Variants in MCPH1 observed in about 807,000 individuals in gnomAD.
The protein encoded by MCPH1 is microcephalin.
In MCPH1, 104 loss-of-function variants were observed where a neutral mutation model predicts 84.5. The observed-to-expected ratio is 1.23, with a 90% CI of 1.05 to 1.45. MCPH1 has a LOEUF of 1.45. Ranked by LOEUF, MCPH1 falls within the 40% of genes most tolerant of loss-of-function variation. The pLI is 0.00. For synonymous variants in MCPH1, 514 were observed against 366.8 expected, an observed-to-expected ratio of 1.40 and a Z score of -4.58; for missense variants, 1,498 against 1,005.7, an observed-to-expected ratio of 1.49 and a Z score of -6.62.
At chr8:6,503,429 C>G (rs1186506693) in intron 12 of MCPH1, among the ~76,000 whole-genome samples, 1 of 152,170 alleles carries the variant, frequency 6.6e-6, no homozygotes, top group Admixed American at 6.5e-5. Flanking sequence ...TGTTTTCCAG[C>G]CATACACCCA....
At chr8:6,612,990 T>C (rs766015765) in intron 12 of MCPH1, among the ~76,000 whole-genome samples, 3 of 152,206 alleles carry the variant, frequency 2.0e-5, no homozygotes, top group African/African-American at 7.2e-5. Flanking sequence ...AGCCAAAACA[T>C]GACAAACGGG....
At chr8:6,630,781 TA>T (rs1235237864) in intron 13 of MCPH1, among the ~76,000 whole-genome samples, 157 of 58,282 alleles carry the variant, frequency 2.7e-3, no homozygotes, top group South Asian at 5.6e-3. Flanking sequence ...AACTCTGTCC[TA>T]AAAAAAAAAA....
intron 1 of MCPH1, chr8:6,407,089 C>G (rs1797838321): frequency 9.2e-6 from 3 of 326,966 alleles, no homozygotes; most frequent in South Asian, 2.4e-5. Context: ...TACCTGCTTT[C>G]ACCCCTGCTG....
At chr8:6,559,440 T>C (rs1438983215) in intron 12 of MCPH1, among the ~76,000 whole-genome samples, 1 of 152,172 alleles carries the variant, frequency 6.6e-6, no homozygotes, top group Non-Finnish European at 1.5e-5. Context: ...ATTATTACTT[T>C]TAAAGAAAGA....
intron 12 of MCPH1, 69 bp from the exon 13 acceptor site, chr8:6,621,385 A>T: frequency 6.3e-7 from 1 of 1,582,548 alleles, no homozygotes; most frequent in Non-Finnish European, 8.7e-7. Context: ...GTAAACTGCA[A>T]CAGTTCGCCT....
In MCPH1 at chr8:6,455,243, A is replaced by G. The variant is rs1805549565; in HGVS notation, c.1926A>G (p.Arg642=). The G allele has an allele frequency of 3.7e-6, 6 of 1,608,040 alleles. No homozygotes were observed. Among genetic ancestry groups the G allele is most frequent in the Non-Finnish European group, 5.1e-6 (6 of 1,174,616 alleles). ...ATGAGGAATTGAAGAAAAGTGGGAGAGGCAAAAAGGTCAGTGTGTAAAAAT... is the reference window on the plus strand; with the variant it reads ...ATGAGGAATTGAAGAAAAGTGGGAGGGGCAAAAAGGTCAGTGTGTAAAAAT... ...KPHEELKKSG[R]GKKPTRTLVM... The change falls in exon 9 of 14, where the codon AGA becomes AGG. Residue 642 remains arginine (R), a synonymous_variant. Coordinates refer to ENST00000344683, the MANE Select transcript of MCPH1 (RefSeq NM_024596.5).
chr8:6,472,459 G>A (rs1028121384), intron 9 of MCPH1, among the ~76,000 whole-genome samples: 2 of 152,004 alleles, frequency 1.3e-5, no homozygotes, highest in Non-Finnish European at 2.9e-5. Flanking sequence ...ATCTTAGACA[G>A]TTTTTTGTTT....
chr8:6,560,228 C>CA (rs1488325411), intron 12 of MCPH1, among the ~76,000 whole-genome samples: 1 of 151,684 alleles, frequency 6.6e-6, no homozygotes, highest in Non-Finnish European at 1.5e-5. Context: ...ACATTTTTTT[C>CA]AAAAAATAGC....
intron 12 of MCPH1, among the ~76,000 whole-genome samples, chr8:6,561,798 G>T (rs1045861924): frequency 6.7e-6 from 1 of 149,568 alleles, no homozygotes. Context: ...AATTATTTAT[G>T]AAAGAAAAAC....
intron 13 of MCPH1, among the ~76,000 whole-genome samples, chr8:6,623,712 A>C (rs1350939920): frequency 2.4e-4 from 1 of 4,230 alleles, no homozygotes; most frequent in African/African-American, 8.4e-4. Flanking sequence ...AAAAAAAAAA[A>C]AAAAAACTAT....
In MCPH1 at chr8:6,642,981, GCT is replaced by G. The variant is rs761267827; in HGVS notation, c.2453-4_2453-3del. ...TATTATGAATGCTAAACTGCTTTTCGCTCTCTCTCTAGATTCCATCACCCAGC... is the reference window on the plus strand; with the variant it reads ...TATTATGAATGCTAAACTGCTTTTCGCTCTCTCTAGATTCCATCACCCAGC... On this transcript the variant is annotated splice_polypyrimidine_tract_variant and intron_variant, in intron 13 of 13. Coordinates refer to ENST00000344683, the MANE Select transcript of MCPH1 (RefSeq NM_024596.5). 4 of 1,612,816 alleles carry G rather than the reference GCT, an allele frequency of 2.5e-6. No homozygotes were observed. Among genetic ancestry groups the G allele is most frequent in the Non-Finnish European group, 3.4e-6 (4 of 1,179,144 alleles).
At chr8:6,424,312 C>T (rs1467636569) in intron 3 of MCPH1, among the ~76,000 whole-genome samples, 2 of 152,228 alleles carry the variant, frequency 1.3e-5, no homozygotes, top group African/African-American at 4.8e-5. Flanking sequence ...GTGGGGAATA[C>T]GGTTCACAGG....
At chr8:6,550,986 C>T (rs1047722455) in intron 12 of MCPH1, among the ~76,000 whole-genome samples, 4 of 152,188 alleles carry the variant, frequency 2.6e-5, no homozygotes, top group African/African-American at 4.8e-5. Context: ...AAACAGTGTC[C>T]TTTCTACAAG....
At chr8:6,574,919 C>A (rs925796128) in intron 12 of MCPH1, among the ~76,000 whole-genome samples, 1 of 152,012 alleles carries the variant, frequency 6.6e-6, no homozygotes. Context: ...GTTACAGATT[C>A]GAAAAACGGC....
chr8:6,407,223 T>G (rs529889006), intron 1 of MCPH1: 11 of 169,216 alleles, frequency 6.5e-5, no homozygotes, highest in Non-Finnish European at 1.1e-4. Context: ...GAGCGGCAGT[T>G]GAGTTTCTAT....
chr8:6,583,889 T>G (rs1274333748), intron 12 of MCPH1, among the ~76,000 whole-genome samples: 1 of 151,744 alleles, frequency 6.6e-6, no homozygotes, highest in African/African-American at 2.4e-5. Context: ...TTTGGCATTT[T>G]GTACCTACCT....
rs1170087611 is a variant in MCPH1 at position 6,645,324 on chromosome 8, G to C, written c.*2275G>C. The C allele has an allele frequency of 6.6e-6, 1 of 152,080 alleles. No individual in the cohort carries two copies. Among genetic ancestry groups the C allele is most frequent in the East Asian group, 1.9e-4 (1 of 5,194 alleles). 9.4% of individuals were successfully genotyped at this position (152,080 alleles called of 1,614,324 possible). On this transcript the variant is annotated 3_prime_UTR_variant, in exon 14 of 14. Coordinates refer to ENST00000344683, the MANE Select transcript of MCPH1 (RefSeq NM_024596.5). Reference sequence around the variant, plus strand: ...AGACATTACACTAAGCACATTATATGTTGTACTTCATTTTACCCTTTCAAC... The same window carrying C: ...AGACATTACACTAAGCACATTATATCTTGTACTTCATTTTACCCTTTCAAC...
intron 12 of MCPH1, among the ~76,000 whole-genome samples, chr8:6,536,181 A>C (rs1411686098): frequency 1.3e-5 from 2 of 152,202 alleles, no homozygotes; most frequent in African/African-American, 2.4e-5. Context: ...AACAAGGAAG[A>C]ATACTGTATA....
At chr8:6,533,287 A>AT (rs1819879351) in intron 12 of MCPH1, among the ~76,000 whole-genome samples, 1 of 152,236 alleles carries the variant, frequency 6.6e-6, no homozygotes, top group Non-Finnish European at 1.5e-5. Flanking sequence ...TTTCACTGCC[A>AT]TTGGTATAGC....
Sources: gnomAD v4.1 joint callset for allele counts (sites outside exome capture counted in the v4.1 genomes callset) on GRCh38, gnomAD v4.1.1 for gene constraint, MANE v1.5 for transcripts, NCBI Gene and HGNC (gene_info 2026-07-23, HGNC 2026-07-21) for gene names.